Variants in SPG7 observed in about 807,000 individuals in gnomAD.
SPG7 encodes mitochondrial inner membrane m-AAA protease component paraplegin.
In SPG7, 103 loss-of-function variants were observed where a neutral mutation model predicts 81.9. The ratio of observed to expected loss-of-function variants is 1.26; its 90% CI spans 1.07 to 1.48. The LOEUF (loss-of-function observed/expected upper bound fraction) is 1.48, where lower values mean the gene tolerates loss of function less well. Ranked by LOEUF, SPG7 falls within the 40% of genes most tolerant of loss-of-function variation. SPG7 has a pLI of 0.00. For synonymous variants in SPG7, 534 were observed against 444.2 expected, an observed-to-expected ratio of 1.20 and a Z score of -2.54; for missense variants, 1,241 against 1,087.3, an observed-to-expected ratio of 1.14 and a Z score of -1.99.
rs1163517072 is a variant in SPG7 at position 89,553,044 on chromosome 16, C to T, written c.1845C>T (p.His615=). The part of the protein sequence containing the change: ...GFAQMLPRDQ[H]LFTKEQLFER... Reference sequence around the variant, plus strand: ...CTCAGATGCTCCCCAGAGACCAGCACCTCTTCACCAAGGAGCAGCTGTTTG... The same window carrying T: ...CTCAGATGCTCCCCAGAGACCAGCATCTCTTCACCAAGGAGCAGCTGTTTG... The change falls in exon 14 of 17, where the codon CAC becomes CAT. Residue 615 remains histidine (H), a synonymous_variant. Coordinates refer to ENST00000645818, the MANE Select transcript of SPG7 (RefSeq NM_003119.4). 2.5e-6 allele frequency: 4 copies of T among 1,614,070 alleles called. No individual in the cohort carries two copies. Among genetic ancestry groups the T allele is most frequent in the Non-Finnish European group, 3.4e-6 (4 of 1,179,984 alleles).
chr16:89,541,438 T>C (rs1422517214), intron 9 of SPG7: 1 of 661,362 alleles, frequency 1.5e-6, no homozygotes, highest in Non-Finnish European at 1.9e-6. Context: ...GGTTACTGGT[T>C]GTCAGCAGTT....
chr16:89,536,712 C>A, intron 9 of SPG7: 1 of 1,606,568 alleles, frequency 6.2e-7, no homozygotes, highest in Non-Finnish European at 8.5e-7. Context: ...GGCTGTGTGG[C>A]GTGGACACCA....
intron 3 of SPG7, among the ~76,000 whole-genome samples, chr16:89,516,589 G>T (rs545175554): frequency 6.6e-6 from 1 of 151,984 alleles, no homozygotes; most frequent in Admixed American, 6.6e-5. Flanking sequence ...GGCCGGGCGT[G>T]GTGGCTCATG....
chr16:89,522,011 T>C (rs2058194246), intron 3 of SPG7: 3 of 152,202 alleles, frequency 2.0e-5, no homozygotes, highest in Admixed American at 2.0e-4. Context: ...CCCATGTTTC[T>C]AGTAGAAAAC....
At chr16:89,539,943 A>C (rs1302866189) in intron 9 of SPG7, 7 of 152,182 alleles carry the variant, frequency 4.6e-5, no homozygotes, top group African/African-American at 1.4e-4. Flanking sequence ...GTCTACATGA[A>C]GTGGGAGGTT....
chr16:89,524,124 T>G lies in SPG7; in HGVS notation c.495T>G (p.Ile165Met), dbSNP rs758924472. 5.0e-6 allele frequency: 8 copies of G among 1,613,966 alleles called. No individual in the cohort carries two copies. In the Admixed American group the frequency reaches 1.3e-4, roughly 27 times the overall value. ...LNALSTSGGS[I>M]SWNDFVHEML... Reference sequence around the variant, plus strand: ...CTCTCAGCACCAGCGGAGGCAGCATTTCCTGGAACGACTTTGTCCACGAGA... The same window carrying G: ...CTCTCAGCACCAGCGGAGGCAGCATGTCCTGGAACGACTTTGTCCACGAGA... Residue 165 changes from isoleucine (I) to methionine (M), a missense_variant, in exon 4 of 17, where the codon ATT becomes ATG. Transcript: ENST00000645818.
chr16:89,528,932 C>G (rs138576245), intron 5 of SPG7: 1 of 186,574 alleles, frequency 5.4e-6, no homozygotes, highest in East Asian at 1.4e-4. Flanking sequence ...CTGCCTCAGC[C>G]TCCCAAGTAG....
At chr16:89,520,074 C>T (rs1427763624) in intron 3 of SPG7, 2 of 152,280 alleles carry the variant, frequency 1.3e-5, no homozygotes, top group Admixed American at 6.5e-5. Flanking sequence ...TCCTGAGCGC[C>T]TTGGCGGACA....
chr16:89,550,635 A>C lies in SPG7; in HGVS notation c.1779+26A>C, dbSNP rs760013914. On this transcript the variant is annotated intron_variant, in intron 13 of 16. Coordinates refer to ENST00000645818, the MANE Select transcript of SPG7 (RefSeq NM_003119.4). Reference sequence around the variant, plus strand: ...GTGGGTCTTGGCAGGTGCCGGCTCCACGGGCCTTGGCCAAAGGTGGGTGGG... The same window carrying C: ...GTGGGTCTTGGCAGGTGCCGGCTCCCCGGGCCTTGGCCAAAGGTGGGTGGG... The C allele has an allele frequency of 5.2e-6, 8 of 1,552,882 alleles. No homozygotes were observed. In the African/African-American group the frequency reaches 1.1e-4, roughly 21 times the overall value.
At chr16:89,515,372 G>A (rs1401000693) in intron 3 of SPG7, among the ~76,000 whole-genome samples, 2 of 150,332 alleles carry the variant, frequency 1.3e-5, no homozygotes, top group Non-Finnish European at 3.0e-5. Context: ...GAGTTCAAGC[G>A]ATTCTCCTGC....
rs753956374 is a variant in SPG7 at position 89,556,951 on chromosome 16, C to T, written c.2246C>T (p.Pro749Leu). 1.7e-5 allele frequency: 27 copies of T among 1,613,934 alleles called. No homozygotes were observed. The highest frequency in any genetic ancestry group is 2.0e-5 in the Non-Finnish European group (24 of 1,179,980). The change falls in exon 17 of 17, where the codon CCG (proline) becomes CTG (leucine). Residue 749 changes from proline to leucine, a missense_variant. By Grantham distance (98) the Pro-to-Leu change is moderately conservative. Transcript: ENST00000645818. ...NYEDIEALIG[P>L]PPHGPKKMIA... is the part of the protein sequence containing the mutation. ...GAGGACATTGAGGCTCTCATTGGCC[C>T]GCCGCCCCATGGGCCGAAGAAAATG...
intron 12 of SPG7, chr16:89,549,161 T>A (rs1267235990): frequency 4.4e-6 from 2 of 456,508 alleles, no homozygotes; most frequent in Non-Finnish European, 8.8e-6. Flanking sequence ...TATGTGGAAA[T>A]CGAAAAGCTT....
chr16:89,550,819 C>T (rs2058627389), intron 13 of SPG7, among the ~76,000 whole-genome samples: 1 of 152,274 alleles, frequency 6.6e-6, no homozygotes, highest in Middle Eastern at 3.4e-3. Flanking sequence ...GGAACTCGGA[C>T]GTGGGAGGCA....
At chr16:89,533,528 A>G (rs2058374177) in intron 9 of SPG7, 1 of 152,014 alleles carries the variant, frequency 6.6e-6, no homozygotes, top group Non-Finnish European at 1.5e-5. Context: ...GGACTGCTAG[A>G]CAGATTCTGG....
intron 6 of SPG7, chr16:89,529,836 G>C: frequency 1.9e-6 from 1 of 532,430 alleles, no homozygotes; most frequent in South Asian, 2.1e-5. Flanking sequence ...TTGAATCTGC[G>C]TTTTTCTTTT....
intron 9 of SPG7, chr16:89,538,857 A>T (rs377493320): frequency 6.6e-6 from 1 of 152,230 alleles, no homozygotes; most frequent in African/African-American, 2.4e-5. Flanking sequence ...GCCCTGTGGG[A>T]AGTGAGGCTG....
chr16:89,512,528 G>A (rs1324152306), intron 2 of SPG7, among the ~76,000 whole-genome samples: 1 of 151,904 alleles, frequency 6.6e-6, no homozygotes, highest in Non-Finnish European at 1.5e-5. Context: ...AGCCAGTCTG[G>A]TCTTGAACTC....
At chr16:89,510,159 G>T (rs2057994899) in intron 1 of SPG7, among the ~76,000 whole-genome samples, 1 of 151,788 alleles carries the variant, frequency 6.6e-6, no homozygotes, top group African/African-American at 2.4e-5. Context: ...ATTTTTAGTA[G>T]AGATGAGGTT....
At chr16:89,523,639 T>C in intron 3 of SPG7, 2 of 458,622 alleles carry the variant, frequency 4.4e-6, no homozygotes, top group East Asian at 1.4e-4. Context: ...TGGAGCACAG[T>C]GGCGCGATCA....
Sources: allele counts gnomAD v4.1 joint callset (sites outside exome capture counted in the v4.1 genomes callset), GRCh38; gene constraint gnomAD v4.1.1; transcripts MANE v1.5; gene names NCBI Gene and HGNC (gene_info 2026-07-23, HGNC 2026-07-21).